The following CFAP20DC variants were observed in gnomAD, a reference collection of about 807,000 sequenced individuals.
CFAP20DC encodes protein CFAP20DC.
CFAP20DC carries 84 observed loss-of-function variants against 101.7 expected under a neutral mutation model. The ratio of observed to expected loss-of-function variants is 0.83; its 90% CI spans 0.69 to 0.99. CFAP20DC has a LOEUF of 0.99. Ranked by LOEUF, CFAP20DC falls within the 50% of genes least tolerant of loss-of-function variation. The pLI is 0.00. For synonymous variants in CFAP20DC, 359 were observed against 351.2 expected (o/e 1.02, Z -0.25); for missense variants, 1,007 against 970.3 (o/e 1.04, Z -0.50).
intron 4 of CFAP20DC, among the ~76,000 whole-genome samples, chr3:59,016,466 C>A (rs2093692186): frequency 6.6e-6 from 1 of 151,904 alleles, no homozygotes; most frequent in Non-Finnish European, 1.5e-5. Context: ...TGTTTTGTGG[C>A]ACTGTAGGGT....
Position 58,742,493 on chromosome 3 carries a change from G to A in CFAP20DC, c.2412C>T (p.Asp804=), listed in dbSNP as rs1353590948. The A allele has an allele frequency of 1.2e-6, 2 of 1,607,054 alleles. No individual in the cohort carries two copies. The highest frequency in any genetic ancestry group is 1.7e-6 in the Non-Finnish European group (2 of 1,176,520). Residue 804 remains aspartate (D), a synonymous_variant, in exon 17 of 17, where the codon GAC becomes GAT. Transcript: ENST00000482387. ...ACTCATAGTATTTCCCTGTTTGGGG[G>A]TCAAAGTAACAGTTCAGACAAGGGT... ...LYDPCLNCYF[D]PQTGKYYELV
intron 6 of CFAP20DC, among the ~76,000 whole-genome samples, chr3:58,888,019 G>C (rs1311299595): frequency 6.6e-6 from 1 of 152,136 alleles, no homozygotes; most frequent in South Asian, 2.1e-4. Flanking sequence ...CTGGCAGCTG[G>C]ATGTTCTCTA....
intron 4 of CFAP20DC, among the ~76,000 whole-genome samples, chr3:58,969,165 C>G (rs1160106160): frequency 7.2e-5 from 11 of 152,028 alleles, no homozygotes; most frequent in Non-Finnish European, 4.4e-5. Flanking sequence ...GTTCTTCTTG[C>G]TTAGTATGGG....
intron 4 of CFAP20DC, among the ~76,000 whole-genome samples, chr3:59,012,291 G>A (rs1462808111): frequency 1.3e-5 from 2 of 152,238 alleles, no homozygotes; most frequent in African/African-American, 4.8e-5. Flanking sequence ...GGATACACAA[G>A]GATATGAAAG....
intron 15 of CFAP20DC, among the ~76,000 whole-genome samples, chr3:58,761,028 A>G (rs1475193706): frequency 6.6e-6 from 1 of 152,186 alleles, no homozygotes; most frequent in African/African-American, 2.4e-5. Context: ...AGGCTTTGGT[A>G]TCAGGATGAT....
intron 4 of CFAP20DC, among the ~76,000 whole-genome samples, chr3:59,030,242 C>CT (rs2093964673): frequency 6.6e-6 from 1 of 152,096 alleles, no homozygotes; most frequent in Non-Finnish European, 1.5e-5. Context: ...TAGTAAAACA[C>CT]TGAGGGTGCT....
chr3:58,950,439 G>C (rs946792601), intron 4 of CFAP20DC, among the ~76,000 whole-genome samples: 1 of 152,130 alleles, frequency 6.6e-6, no homozygotes, highest in African/African-American at 2.4e-5. Context: ...CCAAAAAAGA[G>C]CCTGCATTGC....
chr3:58,870,286 T>C lies in CFAP20DC; in HGVS notation c.739A>G (p.Ser247Gly). The C allele has an allele frequency of 1.2e-6, 2 of 1,614,000 alleles. No individual in the cohort carries two copies. Among genetic ancestry groups the C allele is most frequent in the Non-Finnish European group, 1.7e-6 (2 of 1,179,868 alleles). The change falls in exon 8 of 17, where the codon AGT (serine) becomes GGT (glycine). Residue 247 changes from serine to glycine, a missense_variant. Physicochemically the swap from Ser to Gly is moderately conservative, Grantham distance 56. Transcript: ENST00000482387. Reference protein sequence around the residue: ...ESDQFINRGTSITRNSKNQDV... With the variant: ...ESDQFINRGTGITRNSKNQDV... ...TGATTTTTACTGTTCCGTGTAATAC[T>C]TGTTCCTCTGTTAATGAACTGATCT...
At chr3:58,862,936 T>C (rs1576000665) in intron 12 of CFAP20DC, 1 of 972,256 alleles carries the variant, frequency 1.0e-6, no homozygotes, top group Non-Finnish European at 1.2e-6. Flanking sequence ...TCAGTTTGAT[T>C]TGAAACATTT....
intron 15 of CFAP20DC, among the ~76,000 whole-genome samples, chr3:58,793,759 T>C (rs947070801): frequency 6.6e-5 from 10 of 152,186 alleles, no homozygotes; most frequent in African/African-American, 2.4e-4. Context: ...CACTGTTTAA[T>C]TGAAAGCAAT....
In CFAP20DC at chr3:59,014,667, A is replaced by G. The variant is rs1029363332; in HGVS notation, c.278+24890T>C. Among the ~76,000 whole-genome samples, 2 of 152,138 alleles carry G rather than the reference A, an allele frequency of 1.3e-5. No individual in the cohort carries two copies. Among genetic ancestry groups the G allele is most frequent in the African/African-American group, 4.8e-5 (2 of 41,442 alleles). ...CTGTTAAGGAGTTAACAGACATCTG[A>G]TGTTTGAAGTGAGAGTAATTTATTT... On this transcript the variant is annotated intron_variant, in intron 4 of 16. Coordinates refer to ENST00000482387, the MANE Select transcript of CFAP20DC (RefSeq NM_001394063.1). This position sits in a 1 kb window ranked among gnomAD's most constrained non-coding sequence, Gnocchi z 4.9.
Position 58,964,862 on chromosome 3 carries a change from G to A in CFAP20DC, c.279-27100C>T, listed in dbSNP as rs191664720. On this transcript the variant is annotated intron_variant, in intron 4 of 16. Coordinates refer to ENST00000482387, the MANE Select transcript of CFAP20DC (RefSeq NM_001394063.1). This position sits in a 1 kb window ranked among gnomAD's most constrained non-coding sequence, Gnocchi z 4.1. ...AAGATAGGTTGCTGGATGTAGACTTGCCTGTCCAAATGATATGGACAGTCT... is the reference window on the plus strand; with the variant it reads ...AAGATAGGTTGCTGGATGTAGACTTACCTGTCCAAATGATATGGACAGTCT... Among the ~76,000 whole-genome samples the A allele has an allele frequency of 5.0e-4, 76 of 152,242 alleles. 1 individual carries two copies. The highest frequency in any genetic ancestry group is 1.8e-3 in the African/African-American group (75 of 41,550).
chr3:58,999,929 T>A (rs181751238), intron 4 of CFAP20DC, among the ~76,000 whole-genome samples: 192 of 150,272 alleles, frequency 1.3e-3, no homozygotes, highest in African/African-American at 4.4e-3. Context: ...CTTATGCTTG[T>A]ATGCCTCATA....
intron 14 of CFAP20DC, among the ~76,000 whole-genome samples, chr3:58,826,412 A>T (rs972043001): frequency 6.6e-6 from 1 of 152,138 alleles, no homozygotes; most frequent in Non-Finnish European, 1.5e-5. Flanking sequence ...TCAACCCGTC[A>T]TCTACATTAG....
intron 4 of CFAP20DC, among the ~76,000 whole-genome samples, chr3:58,954,398 T>C (rs2090438346): frequency 1.3e-5 from 2 of 152,248 alleles, no homozygotes; most frequent in South Asian, 4.1e-4. Context: ...TAGAATCATC[T>C]GTTCTTTAAG....
chr3:58,834,127 T>C (rs2076579268), intron 13 of CFAP20DC, among the ~76,000 whole-genome samples: 1 of 152,182 alleles, frequency 6.6e-6, no homozygotes. Flanking sequence ...AAAATGATGG[T>C]TACAGAATCT....
chr3:58,856,046 T>G (rs1422863169), intron 12 of CFAP20DC, among the ~76,000 whole-genome samples: 1 of 148,156 alleles, frequency 6.7e-6, no homozygotes, highest in Non-Finnish European at 1.5e-5. Flanking sequence ...AACTTCAAAA[T>G]AAAGTAGAGA....
intron 16 of CFAP20DC, among the ~76,000 whole-genome samples, chr3:58,752,973 T>C (rs373736844): frequency 2.0e-5 from 3 of 152,118 alleles, no homozygotes; most frequent in South Asian, 2.1e-4. Context: ...AGTCCCACTC[T>C]GAGGTTATTT....
intron 6 of CFAP20DC, among the ~76,000 whole-genome samples, chr3:58,890,156 G>T (rs1260143846): frequency 6.6e-6 from 1 of 150,748 alleles, no homozygotes; most frequent in Non-Finnish European, 1.5e-5. Context: ...TCACCTCCCG[G>T]ACGGGGCGGC....
Sources: allele counts gnomAD v4.1 joint callset (sites outside exome capture counted in the v4.1 genomes callset), GRCh38; gene constraint gnomAD v4.1.1; non-coding constraint Gnocchi (gnomAD v3.1); transcripts MANE v1.5; gene names NCBI Gene and HGNC (gene_info 2026-07-23, HGNC 2026-07-21).